NRG3: variants seen among roughly 807,000 people sequenced by gnomAD.
NRG3 encodes neuregulin 3, also known as pro-neuregulin-3, membrane-bound isoform.
In NRG3, 31 loss-of-function variants were observed where a neutral mutation model predicts 66.9. That is an observed-to-expected ratio of 0.46 (90% CI 0.35 to 0.63). The LOEUF is 0.63. NRG3 is among the 20% of genes least tolerant of loss of function. The pLI is 0.00. For synonymous variants in NRG3, 393 were observed against 359.4 expected, an observed-to-expected ratio of 1.09 and a Z score of -1.06; for missense variants, 910 against 878.9, an observed-to-expected ratio of 1.04 and a Z score of -0.45.
intron 1 of NRG3, among the ~76,000 whole-genome samples, chr10:82,271,073 G>T (rs1382104987): frequency 6.6e-6 from 1 of 152,012 alleles, no homozygotes; most frequent in East Asian, 1.9e-4. Context: ...GCAATATTTG[G>T]AACAGGGAAA....
intron 2 of NRG3, among the ~76,000 whole-genome samples, chr10:82,489,813 G>A (rs1842952771): frequency 6.6e-6 from 1 of 152,140 alleles, no homozygotes; most frequent in South Asian, 2.1e-4. Context: ...ATTTCAAGAT[G>A]AAGATGCTAG....
At chr10:82,363,171 T>C (rs1589856719) in intron 2 of NRG3, among the ~76,000 whole-genome samples, 1 of 151,984 alleles carries the variant, frequency 6.6e-6, no homozygotes, top group Admixed American at 6.6e-5. Flanking sequence ...AAATAAAAGC[T>C]CAATAGGGAA....
intron 3 of NRG3, among the ~76,000 whole-genome samples, chr10:82,821,713 G>T (rs1565351360): frequency 1.3e-5 from 2 of 152,140 alleles, no homozygotes; most frequent in Admixed American, 6.5e-5. Context: ...TTTAACATCT[G>T]CAGAGAGCTT....
intron 1 of NRG3, among the ~76,000 whole-genome samples, chr10:82,318,336 T>A (rs2081397663): frequency 6.6e-6 from 1 of 152,182 alleles, no homozygotes. Context: ...TCCCAAGATT[T>A]AATTTCCTTT....
intron 3 of NRG3, among the ~76,000 whole-genome samples, chr10:82,757,988 T>C (rs1232981556): frequency 6.6e-6 from 1 of 152,106 alleles, no homozygotes; most frequent in Non-Finnish European, 1.5e-5. Flanking sequence ...CCTTTCTCTA[T>C]GTTAATACTA....
At chr10:82,314,475 C>G (rs2081191209) in intron 1 of NRG3, among the ~76,000 whole-genome samples, 2 of 151,994 alleles carry the variant, frequency 1.3e-5, no homozygotes, top group Admixed American at 1.3e-4. Context: ...AAAAAAATGA[C>G]TGACCCATTT....
intron 1 of NRG3, chr10:81,878,119 C>A: frequency 6.7e-7 from 1 of 1,501,588 alleles, no homozygotes; most frequent in South Asian, 1.3e-5. Flanking sequence ...CCCCTCTATG[C>A]TCTCTTCCTA....
At chr10:82,831,526 G>T (rs1013633433) in intron 3 of NRG3, among the ~76,000 whole-genome samples, 2 of 152,078 alleles carry the variant, frequency 1.3e-5, no homozygotes, top group African/African-American at 4.8e-5. Context: ...TTTTAATGAT[G>T]AAGTCTTGGC....
chr10:82,301,105 A>G (rs1258057480), intron 1 of NRG3, among the ~76,000 whole-genome samples: 1 of 152,226 alleles, frequency 6.6e-6, no homozygotes, highest in Non-Finnish European at 1.5e-5. Flanking sequence ...TCAATATGTA[A>G]TATTTGTGCT....
chr10:82,680,066 C>T (rs893499730), intron 2 of NRG3, among the ~76,000 whole-genome samples: 8 of 151,982 alleles, frequency 5.3e-5, no homozygotes, highest in African/African-American at 1.9e-4. Context: ...CTAGTTACAC[C>T]AAAACTAATA....
intron 1 of NRG3, among the ~76,000 whole-genome samples, chr10:81,953,760 C>G (rs1035022826): frequency 6.6e-6 from 1 of 152,092 alleles, no homozygotes; most frequent in African/African-American, 2.4e-5. Context: ...TTTGATGACT[C>G]CAGTCTCAAA....
chr10:82,838,410 C>G (rs191612122), intron 3 of NRG3, among the ~76,000 whole-genome samples: 2 of 152,048 alleles, frequency 1.3e-5, no homozygotes, highest in Non-Finnish European at 2.9e-5. Flanking sequence ...ATTTTTAAAC[C>G]TCTCATTTTA....
chr10:82,260,666 C>G (rs756503853), intron 1 of NRG3, among the ~76,000 whole-genome samples: 29 of 152,202 alleles, frequency 1.9e-4, no homozygotes, highest in Non-Finnish European at 3.1e-4. Context: ...ACAGAGAGAC[C>G]ATTTTAGTCT....
chr10:82,857,800 G>A (rs1221325415), intron 3 of NRG3, among the ~76,000 whole-genome samples: 1 of 152,152 alleles, frequency 6.6e-6, no homozygotes, highest in African/African-American at 2.4e-5. Flanking sequence ...ATAAAATTAT[G>A]TATTTAGTGA....
intron 2 of NRG3, among the ~76,000 whole-genome samples, chr10:82,688,138 A>G (rs7097652): frequency 0.022 from 3,352 of 152,314 alleles, 139 homozygotes; most frequent in African/African-American, 0.077. Context: ...CAGGTAAAAT[A>G]TAAGTCATTG....
intron 2 of NRG3, among the ~76,000 whole-genome samples, chr10:82,455,572 A>G (rs945027246): frequency 6.6e-6 from 1 of 151,430 alleles, no homozygotes; most frequent in Non-Finnish European, 1.5e-5. Context: ...ACTGTACACT[A>G]CTATGGACTT....
chr10:82,534,000 C>T (rs1190661302), intron 2 of NRG3, among the ~76,000 whole-genome samples: 1 of 151,990 alleles, frequency 6.6e-6, no homozygotes, highest in Non-Finnish European at 1.5e-5. Flanking sequence ...GGAAAACAAT[C>T]CCAAATATTG....
In NRG3 at chr10:82,426,871, G is replaced by A. The variant is rs1194691551; in HGVS notation, c.953+68003G>A. On this transcript the variant is annotated intron_variant, in intron 2 of 8. Transcript: ENST00000372141. ...TCACCATGTTTTCCAGACTGGTCTC[G>A]AACTCCTGGGTTCAAGCAATTCATC... is the stretch of plus-strand genomic sequence containing the variant. Among the ~76,000 whole-genome samples, 3 of 151,722 alleles carry A rather than the reference G, an allele frequency of 2.0e-5. No homozygotes were observed. The East Asian group carries it at 5.8e-4, about 29-fold the overall frequency.
intron 1 of NRG3, among the ~76,000 whole-genome samples, chr10:82,138,731 C>G (rs1027534643): frequency 6.6e-6 from 1 of 152,096 alleles, no homozygotes; most frequent in African/African-American, 2.4e-5. Context: ...GGCCCAAGAG[C>G]CCCTGGGAAA....
Sources: allele counts gnomAD v4.1 joint callset (sites outside exome capture counted in the v4.1 genomes callset), GRCh38; gene constraint gnomAD v4.1.1; transcripts MANE v1.5; gene names NCBI Gene and HGNC (gene_info 2026-07-23, HGNC 2026-07-21).